Variants in PEF1 observed in about 807,000 individuals in gnomAD.
PEF1 encodes the protein penta-EF-hand domain containing 1.
Under a neutral mutation model 32.0 loss-of-function variants are expected in PEF1, and 17 were observed. The ratio of observed to expected loss-of-function variants is 0.53; its 90% CI spans 0.36 to 0.80. The LOEUF (loss-of-function observed/expected upper bound fraction) is 0.80, where lower values mean the gene tolerates loss of function less well. Ranked by LOEUF, PEF1 falls within the 30% of genes least tolerant of loss-of-function variation. The pLI is 0.00. For synonymous variants in PEF1, 130 were observed against 139.8 expected (o/e 0.93, Z 0.50); for missense variants, 362 against 369.1 (o/e 0.98, Z 0.16).
At chr1:31,638,211 G>A (rs1347990307) in intron 1 of PEF1, among the ~76,000 whole-genome samples, 1 of 152,154 alleles carries the variant, frequency 6.6e-6, no homozygotes, top group South Asian at 2.1e-4. Flanking sequence ...GGTTGGAGAG[G>A]TGTGACAAGA....
At chr1:31,642,615 C>T (rs940764904) in intron 1 of PEF1, among the ~76,000 whole-genome samples, 1 of 152,098 alleles carries the variant, frequency 6.6e-6, no homozygotes, top group African/African-American at 2.4e-5. Flanking sequence ...GACCAGGAGG[C>T]GGACAAGGGT....
rs770948880 is a variant in PEF1, at chr1:31,633,268, C to A, written c.372G>T (p.Gln124His). The A allele has an allele frequency of 2.0e-5, 33 of 1,613,980 alleles. No individual in the cohort carries two copies. The African/African-American group carries it at 4.4e-4, about 22-fold the overall frequency. The part of the protein sequence containing the change: ...NVDPEAYSWF[Q>H]SVDSDHSGYI... ...AGCCACTGTGATCTGAGTCCACCGA[C>A]TGGAACCAGGAGTAGGCCTCAGGAT... The change falls in exon 3 of 5, where the codon CAG (glutamine) becomes CAT (histidine). Residue 124 changes from glutamine to histidine, a missense_variant. Physicochemically the swap from Gln to His is conservative, Grantham distance 24. Transcript: ENST00000373703.
chr1:31,644,554 G>A, intron 1 of PEF1: 1 of 1,398,320 alleles, frequency 7.2e-7, no homozygotes, highest in Non-Finnish European at 9.3e-7. Context: ...TTGGGAGGCT[G>A]TGGAGCCCAG....
At chr1:31,644,033 T>C (rs193124361) in intron 1 of PEF1, 14 of 152,338 alleles carry the variant, frequency 9.2e-5, no homozygotes, top group Admixed American at 9.2e-4. Flanking sequence ...CGGCCCTATT[T>C]TACAGGCGGA....
In PEF1 at chr1:31,640,074, A is replaced by G. The variant is rs967848525; in HGVS notation, c.25-4552T>C. Reference sequence around the variant, plus strand: ...GTGAAGGCAGGTGGAGGGGAAGGACAGGAAGAGTTCAGTAACTGCAGCTTC... The same window carrying G: ...GTGAAGGCAGGTGGAGGGGAAGGACGGGAAGAGTTCAGTAACTGCAGCTTC... On this transcript the variant is annotated intron_variant, in intron 1 of 4. Transcript: ENST00000373703. Among the ~76,000 whole-genome samples the G allele has an allele frequency of 3.9e-5, 6 of 152,206 alleles. No individual in the cohort carries two copies. In the South Asian group the frequency reaches 1.2e-3, roughly 31 times the overall value.
In PEF1 at chr1:31,630,768, C is replaced by T. The variant is rs866571271; in HGVS notation, c.700G>A (p.Ala234Thr). 34 of 1,614,012 alleles carry T rather than the reference C, an allele frequency of 2.1e-5. No individual in the cohort carries two copies. Among genetic ancestry groups the T allele is most frequent in the Non-Finnish European group, 2.9e-5 (34 of 1,180,034 alleles). ...LLVSRYCPRSANPAMQLDRFI... is the reference protein window; with the variant it reads ...LLVSRYCPRSTNPAMQLDRFI... ...CGGTCAAGCTGCATGGCAGGATTGG[C>T]AGAGCGTGGGCAGTAGCGGGAGACC... The change falls in exon 5 of 5, where the codon GCC becomes ACC. Residue 234 changes from alanine to threonine, a missense_variant. Ala to Thr is a moderately conservative substitution (Grantham distance 58). Transcript: ENST00000373703.
chr1:31,636,526 G>A (rs1023986721), intron 1 of PEF1, among the ~76,000 whole-genome samples: 1 of 152,092 alleles, frequency 6.6e-6, no homozygotes, highest in Non-Finnish European at 1.5e-5. Context: ...TCAAGTTCAG[G>A]TTCTGCCATT....
intron 1 of PEF1, among the ~76,000 whole-genome samples, chr1:31,642,021 T>C (rs6699558): frequency 0.51 from 77,146 of 152,064 alleles, 21,281 homozygotes; most frequent in Non-Finnish European, 0.62. Context: ...CACCTGAGGT[T>C]AGGAGTTTGA....
intron 1 of PEF1, among the ~76,000 whole-genome samples, chr1:31,641,857 T>A (rs1427047589): frequency 1.3e-5 from 2 of 152,248 alleles, no homozygotes; most frequent in African/African-American, 4.8e-5. Flanking sequence ...CCCAACACCA[T>A]ACCTAGCACT....
intron 1 of PEF1, among the ~76,000 whole-genome samples, chr1:31,640,559 G>A (rs904641290): frequency 9.2e-5 from 14 of 152,140 alleles, no homozygotes; most frequent in African/African-American, 1.2e-4. Context: ...GGGACTCTTA[G>A]AAAAATCTCA....
rs1438083658 is a variant in PEF1 at position 31,630,035 on chromosome 1, G to A, written c.*578C>T. ...CAAGTGAGGGGTCCCAGCTGCAGAGGGCAGAAGCCTGGCCAAAGATGCCCA... is the reference window on the plus strand; with the variant it reads ...CAAGTGAGGGGTCCCAGCTGCAGAGAGCAGAAGCCTGGCCAAAGATGCCCA... On this transcript the variant is annotated 3_prime_UTR_variant, in exon 5 of 5. Coordinates refer to ENST00000373703, the MANE Select transcript of PEF1 (RefSeq NM_012392.4). 3 of 159,896 alleles carry A rather than the reference G, an allele frequency of 1.9e-5. No individual in the cohort carries two copies. The highest frequency in any genetic ancestry group is 7.2e-5 in the African/African-American group (3 of 41,592). 9.9% of individuals were successfully genotyped at this position (159,896 alleles called of 1,614,324 possible).
chr1:31,644,320 T>A, intron 1 of PEF1: 1 of 965,200 alleles, frequency 1.0e-6, no homozygotes, highest in Non-Finnish European at 1.2e-6. Context: ...CTTCTCGGGG[T>A]TCACTTTTCT....
chr1:31,630,432 G>A lies in PEF1; in HGVS notation c.*181C>T, dbSNP rs1640062271. On this transcript the variant is annotated 3_prime_UTR_variant, in exon 5 of 5. Transcript: ENST00000373703. ...CCCTATCTGTGTGGCCTCAGCCCCG[G>A]TCCTCACTATTTGGTGGCTATGATG... 6 of 659,018 alleles carry A rather than the reference G, an allele frequency of 9.1e-6. No homozygotes were observed. The South Asian group carries it at 9.4e-5, about 10-fold the overall frequency. 40.8% of individuals were successfully genotyped at this position (659,018 alleles called of 1,614,324 possible). A position where few individuals can be genotyped will look rare whatever the true frequency, so the allele number is the denominator to read the frequency against.
intron 2 of PEF1, chr1:31,634,755 C>G: frequency 2.4e-6 from 1 of 424,184 alleles, no homozygotes; most frequent in South Asian, 1.7e-5. Context: ...GAGGGGCATC[C>G]TTTCCCATCC....
At chr1:31,632,680 C>T (rs1421577933) in intron 3 of PEF1, 42 bp from the exon 4 acceptor site, 1 of 1,601,754 alleles carries the variant, frequency 6.2e-7, no homozygotes. Flanking sequence ...GGCTTCAAGA[C>T]TGAAGGCCAA....
At chr1:31,633,817 T>C (rs551802620) in intron 2 of PEF1, among the ~76,000 whole-genome samples, 2 of 152,122 alleles carry the variant, frequency 1.3e-5, no homozygotes, top group African/African-American at 4.8e-5. Flanking sequence ...TAGCCGGGCA[T>C]GGTGGCACAT....
chr1:31,635,463 T>A lies in PEF1; in HGVS notation c.84A>T (p.Gly28=), dbSNP rs77183654. 1.2e-5 allele frequency: 19 copies of A among 1,574,760 alleles called. No individual in the cohort carries two copies. The East Asian group carries it at 4.3e-4, about 36-fold the overall frequency. The change falls in exon 2 of 5, where the codon GGA becomes GGT. Residue 28 remains glycine, a synonymous_variant. Transcript: ENST00000373703. ...CATACTGCCCTCCACTATTGGGGGG[T>A]CCAGGGTAGTAGCTACCCGGAGGGG... is the stretch of plus-strand genomic sequence containing the variant. The part of the protein sequence containing the change: ...PGAPPGSYYP[G]PPNSGGQYGS...
intron 3 of PEF1, 124 bp downstream of exon 3, chr1:31,633,035 C>A: frequency 8.4e-7 from 1 of 1,196,060 alleles, no homozygotes; most frequent in East Asian, 2.5e-5. Context: ...CTAGCTTCCT[C>A]CCCACAGTCC....
At chr1:31,632,775 T>C in intron 3 of PEF1, 137 bp from the exon 4 acceptor site, 11 of 1,011,970 alleles carry the variant, frequency 1.1e-5, no homozygotes, top group Non-Finnish European at 1.6e-5. Flanking sequence ...GAGGCCCAGA[T>C]GCCTGCACCT....
Sources: gnomAD v4.1 joint callset for allele counts (sites outside exome capture counted in the v4.1 genomes callset) on GRCh38, gnomAD v4.1.1 for gene constraint, MANE v1.5 for transcripts, NCBI Gene and HGNC (gene_info 2026-07-23, HGNC 2026-07-21) for gene names.